LAMA1: variants seen among roughly 807,000 people sequenced by gnomAD.
The protein encoded by LAMA1 is laminin subunit alpha-1.
LAMA1 carries 219 observed loss-of-function variants against 348.7 expected under a neutral mutation model. That is an observed-to-expected ratio of 0.63 (90% CI 0.56 to 0.70). The LOEUF is 0.70. Among genes scored for constraint, LAMA1 ranks in the 30% least tolerant of loss-of-function variants. LAMA1 has a pLI of 0.00. For missense variants in LAMA1, 3,744 were observed against 3,888.0 expected (o/e 0.96, Z 0.99); for synonymous variants, 1,487 against 1,491.0 (o/e 1.00, Z 0.06).
intron 17 of LAMA1, 109 bp from the exon 18 acceptor site, chr18:7,024,575 G>T: frequency 4.5e-6 from 4 of 882,618 alleles, no homozygotes; most frequent in Non-Finnish European, 7.4e-6. Context: ...CCTTCAATGA[G>T]ACCTCCTTAG....
intron 29 of LAMA1, among the ~76,000 whole-genome samples, chr18:7,006,611 A>G (rs1026952905): frequency 1.3e-5 from 2 of 152,262 alleles, no homozygotes; most frequent in Middle Eastern, 6.8e-3. Flanking sequence ...TGATTTCGTC[A>G]CGGTGTGAAC....
At chr18:7,108,426 T>A (rs1046987326) in intron 1 of LAMA1, among the ~76,000 whole-genome samples, 3 of 151,830 alleles carry the variant, frequency 2.0e-5, no homozygotes, top group African/African-American at 7.3e-5. Context: ...TTTGGGAGGC[T>A]GAGGCAGGCA....
chr18:7,080,512 C>A lies in LAMA1; in HGVS notation c.62-55G>T, dbSNP rs989291490. 2.2e-5 allele frequency: 34 copies of A among 1,574,974 alleles called. No homozygotes were observed. The African/African-American group carries it at 3.0e-4, about 14-fold the overall frequency. On this transcript the variant is annotated intron_variant, in intron 1 of 62. Coordinates refer to ENST00000389658, the MANE Select transcript of LAMA1 (RefSeq NM_005559.4). ...AGCCACTTGAAATCCAAAGAATGAG[C>A]TTACCCCATCCCACTTGGTAGGTGA... is the stretch of plus-strand genomic sequence containing the variant.
At chr18:7,037,248 T>C (rs1025352801) in intron 12 of LAMA1, among the ~76,000 whole-genome samples, 3 of 152,044 alleles carry the variant, frequency 2.0e-5, no homozygotes, top group African/African-American at 7.2e-5. Flanking sequence ...TATGGCAAAC[T>C]AAACAAAGCG....
chr18:7,019,588 T>C (rs2057906006), intron 19 of LAMA1, among the ~76,000 whole-genome samples: 1 of 151,892 alleles, frequency 6.6e-6, no homozygotes, highest in Non-Finnish European at 1.5e-5. Flanking sequence ...GTGTGAAATC[T>C]ACAACTTGGA....
At chr18:7,089,472 A>G (rs779699428) in intron 1 of LAMA1, among the ~76,000 whole-genome samples, 7 of 152,220 alleles carry the variant, frequency 4.6e-5, no homozygotes, top group Non-Finnish European at 7.3e-5. Context: ...CTCCTCTTCC[A>G]GGATCCCGTG....
chr18:7,057,471 C>CTTTTTTT (rs552843703), intron 3 of LAMA1, among the ~76,000 whole-genome samples: 45 of 90,806 alleles, frequency 5.0e-4, no homozygotes, highest in East Asian at 1.5e-3. Flanking sequence ...CTTTTCTTTT[C>CTTTTTTT]TTTTTTTTTT....
chr18:6,999,120 G>A (rs1396094385), intron 32 of LAMA1, among the ~76,000 whole-genome samples: 1 of 151,922 alleles, frequency 6.6e-6, no homozygotes, highest in African/African-American at 2.4e-5. Context: ...ACCCCACAAA[G>A]CTGTTTCCTC....
At chr18:7,079,928 A>C (rs1190013627) in intron 3 of LAMA1, 47 bp downstream of exon 3, 4 of 1,341,654 alleles carry the variant, frequency 3.0e-6, no homozygotes, top group Non-Finnish European at 4.3e-6. Context: ...AGAAGACCAC[A>C]GCTCAGCAGC....
rs2144086467 is a variant in LAMA1, at chr18:6,997,827, G to T, written c.4721C>A (p.Ala1574Asp). ...LLNDLDEIGD[A>D]VLSLNLTGII... is the part of the protein sequence containing the mutation. Reference sequence around the variant, plus strand: ...GCCAGTGAGGTTCAGAGAAAGAACGGCATCACCAATCTCATCCAAGTCATT... The same window carrying T: ...GCCAGTGAGGTTCAGAGAAAGAACGTCATCACCAATCTCATCCAAGTCATT... The change falls in exon 33 of 63, where the codon GCC becomes GAC. Residue 1574 changes from alanine to aspartate, a missense_variant. Ala to Asp is a moderately radical substitution (Grantham distance 126). This residue lies in a region of LAMA1 where 1,983 missense variants were observed against 1,934.3 expected (regional missense o/e 1.03). Coordinates refer to ENST00000389658, the MANE Select transcript of LAMA1 (RefSeq NM_005559.4). The T allele has an allele frequency of 6.2e-7, 1 of 1,613,972 alleles. No individual in the cohort carries two copies. The highest frequency in any genetic ancestry group is 1.1e-5 in the South Asian group (1 of 91,074).
At chr18:6,986,630 A>G (rs577962432) in intron 36 of LAMA1, among the ~76,000 whole-genome samples, 2 of 151,924 alleles carry the variant, frequency 1.3e-5, no homozygotes, top group South Asian at 2.1e-4. Flanking sequence ...ATATAAGTGC[A>G]CAGTGATGTT....
At chr18:7,101,779 T>C (rs150813030) in intron 1 of LAMA1, among the ~76,000 whole-genome samples, 8,902 of 152,178 alleles carry the variant, frequency 0.058, 331 homozygotes, top group Non-Finnish European at 0.082. Context: ...GTGATCCTCC[T>C]GCTTCAGCAT....
At chr18:7,111,553 G>A (rs918290751) in intron 1 of LAMA1, among the ~76,000 whole-genome samples, 3 of 152,184 alleles carry the variant, frequency 2.0e-5, no homozygotes, top group South Asian at 4.1e-4. Context: ...TCCAGCTATC[G>A]TGTGGCGTTT....
At chr18:7,092,307 C>T (rs182837584) in intron 1 of LAMA1, among the ~76,000 whole-genome samples, 1 of 152,192 alleles carries the variant, frequency 6.6e-6, no homozygotes, top group Non-Finnish European at 1.5e-5. Context: ...TCTCTCTTCA[C>T]TCAGTTCCAA....
At chr18:7,102,354 TGGA>T (rs377573867) in intron 1 of LAMA1, among the ~76,000 whole-genome samples, 130 of 152,128 alleles carry the variant, frequency 8.5e-4, no homozygotes, top group African/African-American at 3.0e-3. Context: ...CCAGAACGCC[TGGA>T]GGAGAACAGC....
chr18:6,989,093 G>A (rs527551902), intron 36 of LAMA1, among the ~76,000 whole-genome samples: 13 of 152,160 alleles, frequency 8.5e-5, no homozygotes, highest in Non-Finnish European at 1.8e-4. Flanking sequence ...CTATGTGCTA[G>A]GCAGAGGGTG....
chr18:7,113,876 A>C (rs1386721326), intron 1 of LAMA1, among the ~76,000 whole-genome samples: 1 of 152,130 alleles, frequency 6.6e-6, no homozygotes, highest in Admixed American at 6.5e-5. Flanking sequence ...TGAGATCGAG[A>C]CCATCCTGGC....
chr18:7,114,807 G>A (rs1213241997), intron 1 of LAMA1, among the ~76,000 whole-genome samples: 1 of 152,114 alleles, frequency 6.6e-6, no homozygotes, highest in African/African-American at 2.4e-5. Flanking sequence ...TAAAATGGTA[G>A]GGCATTTCAA....
chr18:7,015,688 T>C (rs1378653758), intron 22 of LAMA1, 34 bp downstream of exon 22: 1 of 1,611,658 alleles, frequency 6.2e-7, no homozygotes. Flanking sequence ...AAAGCAACTC[T>C]CAGTTAAGCA....
Sources: allele counts gnomAD v4.1 joint callset (sites outside exome capture counted in the v4.1 genomes callset), GRCh38; gene constraint gnomAD v4.1.1; regional missense constraint gnomAD v4.1.1; transcripts MANE v1.5; gene names NCBI Gene and HGNC (gene_info 2026-07-23, HGNC 2026-07-21).